Variants in FOSL1 observed in about 807,000 individuals in gnomAD.
FOSL1 encodes the protein fos-related antigen 1.
Under a neutral mutation model 24.9 loss-of-function variants are expected in FOSL1, and 14 were observed. The observed-to-expected ratio is 0.56, with a 90% confidence interval of 0.37 to 0.88. The LOEUF is 0.88. FOSL1 is among the 40% of genes least tolerant of loss of function. The pLI is 0.00. For synonymous variants in FOSL1, 133 were observed against 145.1 expected (o/e 0.92, Z 0.60); for missense variants, 318 against 359.8 (o/e 0.88, Z 0.94).
Position 65,900,291 on chromosome 11 carries a change from C to T in FOSL1, c.49G>A (p.Gly17Arg). ...EPGPSSGNGGGYGGPAQPPAA... is the reference protein window; with the variant it reads ...EPGPSSGNGGRYGGPAQPPAA... ...GGGGGCTGCGCGGGGCCGCCGTACC[C>T]GCCGCCGTTCCCGGAGCTCGGGCCG... is the stretch of plus-strand genomic sequence containing the variant. The change falls in exon 1 of 4, where the codon GGG (glycine) becomes AGG (arginine). Residue 17 changes from glycine (G) to arginine (R), a missense_variant. Transcript: ENST00000312562. 1 of 1,246,406 alleles carries T rather than the reference C, an allele frequency of 8.0e-7. No individual in the cohort carries two copies. The highest frequency in any genetic ancestry group is 1.0e-6 in the Non-Finnish European group (1 of 995,480). 77.2% of individuals were successfully genotyped at this position (1,246,406 alleles called of 1,614,324 possible). A position where few individuals can be genotyped will look rare whatever the true frequency, so the allele number is the denominator to read the frequency against.
At chr11:65,899,206 C>T (rs1477165423) in intron 1 of FOSL1, among the ~76,000 whole-genome samples, 1 of 152,100 alleles carries the variant, frequency 6.6e-6, no homozygotes, top group African/African-American at 2.4e-5. Context: ...TGGGTGTGGG[C>T]GCCCAATCGT....
rs141976219 is a variant in FOSL1 at position 65,893,019 on chromosome 11, G to T, written c.683C>A (p.Pro228His). The T allele has an allele frequency of 5.0e-6, 8 of 1,612,294 alleles. No homozygotes were observed. In the African/African-American group the frequency reaches 8.0e-5, roughly 16 times the overall value. ...PTLMTTPSLT[P>H]FTPSLVFTYP... ...GGTGAAGACCAGGCTGGGGGTGAAA[G>T]GAGTTAGGGAGGGTGTGGTCATGAG... Residue 228 changes from proline (P) to histidine (H), a missense_variant, in exon 4 of 4, where the codon CCT becomes CAT. Physicochemically the swap from Pro to His is moderately conservative, Grantham distance 77. Transcript: ENST00000312562.
intron 1 of FOSL1, among the ~76,000 whole-genome samples, chr11:65,897,296 C>G (rs1374391570): frequency 2.0e-5 from 3 of 152,046 alleles, no homozygotes; most frequent in Non-Finnish European, 4.4e-5. Context: ...AATACTGACT[C>G]ATATCATTGG....
rs1860431326 is a variant in FOSL1, at chr11:65,893,077, C to T, written c.625G>A (p.Val209Met). The part of the protein sequence containing the change: ...VPCISLSPGP[V>M]LEPEALHTPT... Reference sequence around the variant, plus strand: ...GTGTGCAGTGCCTCAGGTTCAAGCACAGGCCCTGGGGAAAGGGAGATACAA... The same window carrying T: ...GTGTGCAGTGCCTCAGGTTCAAGCATAGGCCCTGGGGAAAGGGAGATACAA... The change falls in exon 4 of 4, where the codon GTG becomes ATG. Residue 209 changes from valine (V) to methionine (M), a missense_variant. By Grantham distance (21) the Val-to-Met change is conservative. Transcript: ENST00000312562. 6.2e-7 allele frequency: 1 copy of T among 1,611,502 alleles called. No individual in the cohort carries two copies. Among genetic ancestry groups the T allele is most frequent in the Non-Finnish European group, 8.5e-7 (1 of 1,178,946 alleles).
intron 2 of FOSL1, among the ~76,000 whole-genome samples, chr11:65,896,455 A>G (rs1860527777): frequency 1.3e-5 from 2 of 150,374 alleles, no homozygotes; most frequent in South Asian, 4.2e-4. Context: ...GCAGGTGGAG[A>G]CCCCCTCACC....
intron 2 of FOSL1, 138 bp downstream of exon 2, chr11:65,896,671 C>T (rs1860533690): frequency 1.6e-6 from 1 of 638,578 alleles, no homozygotes; most frequent in East Asian, 2.8e-5. Context: ...GCTCCTATCA[C>T]TTTCAGCCTT....
chr11:65,894,648 G>A lies in FOSL1; in HGVS notation c.298-527C>T, dbSNP rs573826810. ...TTGTTTTTCACTGAGAACATGCAAAGATTTTATTTTATTTTATTTTATTTT... is the reference window on the plus strand; with the variant it reads ...TTGTTTTTCACTGAGAACATGCAAAAATTTTATTTTATTTTATTTTATTTT... On this transcript the variant is annotated intron_variant, in intron 2 of 3. Transcript: ENST00000312562. Among the ~76,000 whole-genome samples, 14 of 152,218 alleles carry A rather than the reference G, an allele frequency of 9.2e-5. 1 individual carries two copies. In the East Asian group the frequency reaches 2.7e-3, roughly 29 times the overall value.
In FOSL1 at chr11:65,892,779, G is replaced by A; in HGVS notation, c.*107C>T. 1 of 1,079,380 alleles carries A rather than the reference G, an allele frequency of 9.3e-7. No homozygotes were observed. The highest frequency in any genetic ancestry group is 2.0e-5 in the Admixed American group (1 of 48,940). The allele number at this position is 1,079,380 out of a possible 1,614,324, so 66.9% of individuals were successfully genotyped here. A position where few individuals can be genotyped will look rare whatever the true frequency, so the allele number is the denominator to read the frequency against. On this transcript the variant is annotated 3_prime_UTR_variant, in exon 4 of 4. Coordinates refer to ENST00000312562, the MANE Select transcript of FOSL1 (RefSeq NM_005438.5). ...GTCTCATTAGAGGGATGGAGAAGAA[G>A]TTGCTGGAGTTGGATGTGGGATACT...
intron 2 of FOSL1, 98 bp downstream of exon 2, chr11:65,896,711 C>T: frequency 9.7e-7 from 1 of 1,026,164 alleles, no homozygotes; most frequent in Non-Finnish European, 1.4e-6. Flanking sequence ...CCTACCTTAC[C>T]CCCTCCTAAG....
chr11:65,896,315 G>A (rs1440429745), intron 2 of FOSL1, among the ~76,000 whole-genome samples: 5 of 152,144 alleles, frequency 3.3e-5, no homozygotes, highest in Non-Finnish European at 5.9e-5. Context: ...GAAAACCAGA[G>A]TACATTCCCC....
At chr11:65,897,887 C>CTT (rs527532473) in intron 1 of FOSL1, among the ~76,000 whole-genome samples, 333 of 137,098 alleles carry the variant, frequency 2.4e-3, no homozygotes, top group Middle Eastern at 0.011. Context: ...CATTCCATTG[C>CTT]TTTTTTTTTT....
chr11:65,900,234 C>T lies in FOSL1; in HGVS notation c.99+7G>A, dbSNP rs1162763623. On this transcript the variant is annotated splice_region_variant and intron_variant, in intron 1 of 3. Transcript: ENST00000312562. ...CCGTGGGACCACCGGCGTCGGGCCC[C>T]ACTCACCTGCTGGGCTGCCTGCGCT... 13 of 1,227,418 alleles carry T rather than the reference C, an allele frequency of 1.1e-5. No homozygotes were observed. Among genetic ancestry groups the T allele is most frequent in the Non-Finnish European group, 1.3e-5 (13 of 980,982 alleles). The allele number at this position is 1,227,418 out of a possible 1,614,324, so 76.0% of individuals were successfully genotyped here. A position where few individuals can be genotyped will look rare whatever the true frequency, so the allele number is the denominator to read the frequency against.
At chr11:65,893,900 C>T in intron 3 of FOSL1, 114 bp downstream of exon 3, 1 of 733,126 alleles carries the variant, frequency 1.4e-6, no homozygotes, top group Non-Finnish European at 2.4e-6. Flanking sequence ...CCCAGAAGGA[C>T]TGCCCCTCAG....
chr11:65,897,583 A>C (rs978730105), intron 1 of FOSL1, among the ~76,000 whole-genome samples: 1 of 151,516 alleles, frequency 6.6e-6, no homozygotes. Context: ...CAGGTGATCC[A>C]CCCGCCTCGG....
chr11:65,898,517 A>G (rs689274), intron 1 of FOSL1, among the ~76,000 whole-genome samples: 68,932 of 152,024 alleles, frequency 0.45, 16,989 homozygotes, highest in Middle Eastern at 0.62. Flanking sequence ...GCTCTCAGCT[A>G]CTTACTGGCT....
In FOSL1 at chr11:65,892,775, A is replaced by G; in HGVS notation, c.*111T>C. On this transcript the variant is annotated 3_prime_UTR_variant, in exon 4 of 4. Transcript: ENST00000312562. The stretch of plus-strand genomic sequence containing the variant: ...GTCAGTCTCATTAGAGGGATGGAGA[A>G]GAAGTTGCTGGAGTTGGATGTGGGA... 9.7e-7 allele frequency: 1 copy of G among 1,036,222 alleles called. No homozygotes were observed. Among genetic ancestry groups the G allele is most frequent in the Non-Finnish European group, 1.4e-6 (1 of 692,378 alleles). The allele number at this position is 1,036,222 out of a possible 1,614,324, so 64.2% of individuals were successfully genotyped here. A position where few individuals can be genotyped will look rare whatever the true frequency, so the allele number is the denominator to read the frequency against.
In FOSL1 at chr11:65,893,250, A is replaced by G. The variant is rs1241356329; in HGVS notation, c.452T>C (p.Ile151Thr). 5 of 1,613,510 alleles carry G rather than the reference A, an allele frequency of 3.1e-6. No homozygotes were observed. Among genetic ancestry groups the G allele is most frequent in the East Asian group, 2.2e-5 (1 of 44,876 alleles). ...CTCCTTCTGCTTCTGCAGCTCCTCA[A>G]TCTCTCGCTGCAGCCCAGATTTCTC... The part of the protein sequence containing the change: ...EDEKSGLQRE[I>T]EELQKQKERL... The change falls in exon 4 of 4, where the codon ATT (isoleucine) becomes ACT (threonine). Residue 151 changes from isoleucine to threonine, a missense_variant. By Grantham distance (89) the Ile-to-Thr change is moderately conservative (BLOSUM62 -1). Coordinates refer to ENST00000312562, the MANE Select transcript of FOSL1 (RefSeq NM_005438.5).
rs370607362 is a variant in FOSL1 at position 65,893,050 on chromosome 11, G to T, written c.652C>A (p.Pro218Thr). The change falls in exon 4 of 4, where the codon CCC (proline) becomes ACC (threonine). Residue 218 changes from proline (P) to threonine (T), a missense_variant. Physicochemically the swap from Pro to Thr is conservative, Grantham distance 38 (BLOSUM62 -1). Transcript: ENST00000312562. ...PVLEPEALHT[P>T]TLMTTPSLTP... ...AGGGAGGGTGTGGTCATGAGTGTGG[G>T]GGTGTGCAGTGCCTCAGGTTCAAGC... 3 of 1,611,828 alleles carry T rather than the reference G, an allele frequency of 1.9e-6. No homozygotes were observed. The East Asian group carries it at 6.7e-5, about 36-fold the overall frequency.
At chr11:65,894,841 GA>G (rs1055014070) in intron 2 of FOSL1, among the ~76,000 whole-genome samples, 1 of 151,962 alleles carries the variant, frequency 6.6e-6, no homozygotes, top group Non-Finnish European at 1.5e-5. Flanking sequence ...ATTTTTAGTA[GA>G]GACGAGGTTT....
Sources: gnomAD v4.1 joint callset for allele counts (sites outside exome capture counted in the v4.1 genomes callset) on GRCh38, gnomAD v4.1.1 for gene constraint, MANE v1.5 for transcripts, NCBI Gene and HGNC (gene_info 2026-07-23, HGNC 2026-07-21) for gene names.